Variants in SPIRE1 observed in about 807,000 individuals in gnomAD.
The protein encoded by SPIRE1 is protein spire homolog 1.
In SPIRE1, 40 loss-of-function variants were observed where a neutral mutation model predicts 94.1. That is an observed-to-expected ratio of 0.43 (90% CI 0.33 to 0.55). The LOEUF is 0.55. Ranked by LOEUF, SPIRE1 falls within the 20% of genes least tolerant of loss-of-function variation. SPIRE1 has a pLI of 0.06. For synonymous variants in SPIRE1, 376 were observed against 371.7 expected, an observed-to-expected ratio of 1.01 and a Z score of -0.13; for missense variants, 838 against 975.2, an observed-to-expected ratio of 0.86 and a Z score of 1.87.
At chr18:12,613,737 T>C (rs1020037953) in intron 2 of SPIRE1, among the ~76,000 whole-genome samples, 1 of 150,264 alleles carries the variant, frequency 6.7e-6, no homozygotes, top group Non-Finnish European at 1.5e-5. Flanking sequence ...CCGTCTCTAC[T>C]AAAAATACAA....
chr18:12,595,292 C>G (rs1464152268), intron 2 of SPIRE1, among the ~76,000 whole-genome samples: 1 of 151,972 alleles, frequency 6.6e-6, no homozygotes, highest in African/African-American at 2.4e-5. Context: ...GGCAACAGAG[C>G]CAGACCCTGT....
chr18:12,487,469 T>C (rs888696328), intron 8 of SPIRE1, among the ~76,000 whole-genome samples: 1 of 149,152 alleles, frequency 6.7e-6, no homozygotes, highest in Non-Finnish European at 1.5e-5. Flanking sequence ...GCTGCAGTGG[T>C]GCAATCTCGG....
chr18:12,572,564 G>T (rs2035983660), intron 2 of SPIRE1, among the ~76,000 whole-genome samples: 1 of 152,078 alleles, frequency 6.6e-6, no homozygotes, highest in Admixed American at 6.6e-5. Context: ...AGCCATGTTG[G>T]CACCACTGCA....
chr18:12,602,520 A>T (rs1352699609), intron 2 of SPIRE1, among the ~76,000 whole-genome samples: 1 of 152,342 alleles, frequency 6.6e-6, no homozygotes, highest in Non-Finnish European at 1.5e-5. Flanking sequence ...GAAAAATGAC[A>T]GATATGAATT....
chr18:12,482,319 AT>A, intron 9 of SPIRE1, among the ~76,000 whole-genome samples: 1 of 151,646 alleles, frequency 6.6e-6, no homozygotes, highest in South Asian at 2.1e-4. Flanking sequence ...ATTTTTTTGT[AT>A]TTTTAGTAGA....
At chr18:12,553,990 A>T (rs939692033) in intron 2 of SPIRE1, among the ~76,000 whole-genome samples, 1 of 152,094 alleles carries the variant, frequency 6.6e-6, no homozygotes, top group Non-Finnish European at 1.5e-5. Context: ...AAAATCAAAG[A>T]CGTAAAAGGA....
chr18:12,535,374 C>A, intron 4 of SPIRE1, 102 bp downstream of exon 4: 1 of 1,259,950 alleles, frequency 7.9e-7, no homozygotes, highest in Non-Finnish European at 1.1e-6. Context: ...TCTTTTAAAA[C>A]AATACAGCGG....
chr18:12,596,266 GTTCGT>G (rs1464841802), intron 2 of SPIRE1, among the ~76,000 whole-genome samples: 1 of 152,184 alleles, frequency 6.6e-6, no homozygotes, highest in African/African-American at 2.4e-5. Context: ...ACTAGAGTCT[GTTCGT>G]TTCATTTGTC....
chr18:12,535,328 A>G, intron 4 of SPIRE1, 148 bp downstream of exon 4: 2 of 767,270 alleles, frequency 2.6e-6, no homozygotes, highest in East Asian at 2.9e-5. Flanking sequence ...TCTTTCCTAA[A>G]TGACTTTCAG....
chr18:12,500,034 C>T (rs1428337817), intron 6 of SPIRE1, among the ~76,000 whole-genome samples: 1 of 152,110 alleles, frequency 6.6e-6, no homozygotes, highest in Non-Finnish European at 1.5e-5. Context: ...AAACAGAAAA[C>T]CAAATACTGC....
At chr18:12,554,028 C>T (rs931429368) in intron 2 of SPIRE1, among the ~76,000 whole-genome samples, 4 of 151,964 alleles carry the variant, frequency 2.6e-5, no homozygotes, top group Non-Finnish European at 5.9e-5. Context: ...CAGCTGGGTG[C>T]GGTGGCTCAT....
At chr18:12,508,825 C>T (rs2144003542) in intron 5 of SPIRE1, among the ~76,000 whole-genome samples, 1 of 152,222 alleles carries the variant, frequency 6.6e-6, no homozygotes, top group East Asian at 1.9e-4. Flanking sequence ...CAGGTGCCCG[C>T]CACTATGCCA....
chr18:12,659,269 C>G (rs1218435321), upstream of SPIRE1, among the ~76,000 whole-genome samples: 1 of 59,778 alleles, frequency 1.7e-5, no homozygotes, highest in East Asian at 3.8e-4. Flanking sequence ...GAAACTACAA[C>G]AGTCTATTTA....
intron 2 of SPIRE1, among the ~76,000 whole-genome samples, chr18:12,615,747 C>T (rs576910147): frequency 3.4e-4 from 52 of 151,966 alleles, no homozygotes; most frequent in Non-Finnish European, 1.5e-5. Context: ...CAATTGTACA[C>T]AAACCAAATT....
At chr18:12,558,293 A>G (rs2035578342) in intron 2 of SPIRE1, among the ~76,000 whole-genome samples, 2 of 151,736 alleles carry the variant, frequency 1.3e-5, no homozygotes, top group African/African-American at 4.8e-5. Context: ...TAAAAGCGGC[A>G]TGTCTGGAGT....
intron 2 of SPIRE1, among the ~76,000 whole-genome samples, chr18:12,547,849 G>A (rs2035218295): frequency 2.0e-5 from 3 of 152,220 alleles, no homozygotes; most frequent in Non-Finnish European, 4.4e-5. Flanking sequence ...GGCTGAGGCA[G>A]GAGAATCGCT....
At chr18:12,575,748 A>C (rs1313930540) in intron 2 of SPIRE1, among the ~76,000 whole-genome samples, 7 of 152,258 alleles carry the variant, frequency 4.6e-5, no homozygotes, top group African/African-American at 1.7e-4. Flanking sequence ...AAAACTATAC[A>C]TTGCTGAAAG....
chr18:12,492,065 C>T (rs2033253886), intron 8 of SPIRE1, among the ~76,000 whole-genome samples: 4 of 152,164 alleles, frequency 2.6e-5, no homozygotes, highest in Admixed American at 1.3e-4. Flanking sequence ...CTCTATCTAG[C>T]AGACAGCTGG....
chr18:12,531,681 C>G (rs2034686464), intron 4 of SPIRE1, among the ~76,000 whole-genome samples: 1 of 152,074 alleles, frequency 6.6e-6, no homozygotes, highest in South Asian at 2.1e-4. Context: ...TATAAAGGAG[C>G]TGTATGAATA....
Sources: allele counts gnomAD v4.1 joint callset (sites outside exome capture counted in the v4.1 genomes callset), GRCh38; gene constraint gnomAD v4.1.1; transcripts MANE v1.5; gene names NCBI Gene and HGNC (gene_info 2026-07-23, HGNC 2026-07-21).